Variants in ANKRD55 observed in about 807,000 individuals in gnomAD.
The protein encoded by ANKRD55 is ankyrin repeat domain 55, also known as ankyrin repeat domain-containing protein 55.
In ANKRD55, 41 loss-of-function variants were observed where a neutral mutation model predicts 60.6. That is an observed-to-expected ratio of 0.68 (90% CI 0.53 to 0.88). The LOEUF (loss-of-function observed/expected upper bound fraction) is 0.88, where lower values mean the gene tolerates loss of function less well. Among genes scored for constraint, ANKRD55 ranks in the 40% least tolerant of loss-of-function variants. ANKRD55 has a pLI of 0.00. For synonymous variants in ANKRD55, 264 were observed against 290.3 expected (o/e 0.91, Z 0.92); for missense variants, 732 against 767.6 (o/e 0.95, Z 0.55).
chr5:56,115,966 T>C (rs951194666), intron 9 of ANKRD55, among the ~76,000 whole-genome samples: 1 of 152,052 alleles, frequency 6.6e-6, no homozygotes, highest in Non-Finnish European at 1.5e-5. Flanking sequence ...GCTATTCTCT[T>C]GCCTCAGCCT....
At chr5:56,114,651 A>G (rs534376939) in intron 9 of ANKRD55, among the ~76,000 whole-genome samples, 3 of 152,362 alleles carry the variant, frequency 2.0e-5, no homozygotes, top group East Asian at 3.9e-4. Flanking sequence ...GCATGTGTAT[A>G]AGACCCATTT....
chr5:56,135,293 T>TTCTTTCTTTCTTTCTTTCTTTC (rs1561263978), intron 7 of ANKRD55, among the ~76,000 whole-genome samples: 2 of 74,144 alleles, frequency 2.7e-5, no homozygotes, highest in African/African-American at 8.9e-5. Context: ...CCTGCCTGCT[T>TTCTTTCTTTCTTTCTTTCTTTC]GCTTTCTTTC....
intron 10 of ANKRD55, among the ~76,000 whole-genome samples, chr5:56,105,119 C>G (rs931315130): frequency 7.4e-5 from 11 of 148,560 alleles, no homozygotes; most frequent in Admixed American, 7.4e-4. Context: ...CAGTGTCTCA[C>G]TCTGTTTCTC....
chr5:56,215,469 C>T (rs750375584), intron 2 of ANKRD55, among the ~76,000 whole-genome samples: 16 of 152,228 alleles, frequency 1.1e-4, no homozygotes, highest in Non-Finnish European at 8.8e-5. Flanking sequence ...AGTGGAGCCA[C>T]AGTGATGGCT....
chr5:56,116,319 A>G (rs1756885800), intron 9 of ANKRD55, among the ~76,000 whole-genome samples: 1 of 152,182 alleles, frequency 6.6e-6, no homozygotes, highest in Admixed American at 6.6e-5. Flanking sequence ...GATTTGCCAA[A>G]AAGGGAAGAG....
At chr5:56,187,023 C>T (rs1212106260) in intron 2 of ANKRD55, among the ~76,000 whole-genome samples, 1 of 152,190 alleles carries the variant, frequency 6.6e-6, no homozygotes, top group Non-Finnish European at 1.5e-5. Context: ...ATAAAATATG[C>T]AAGGCACATT....
intron 8 of ANKRD55, among the ~76,000 whole-genome samples, chr5:56,120,907 A>AG (rs1291715721): frequency 6.6e-6 from 1 of 151,688 alleles, no homozygotes; most frequent in Admixed American, 6.6e-5. Flanking sequence ...CTCAAAAAAA[A>AG]AAAAAAAAAA....
chr5:56,102,532 A>G lies in ANKRD55; in HGVS notation c.1685T>C (p.Phe562Ser). Residue 562 changes from phenylalanine to serine, a missense_variant, in exon 11 of 12, where the codon TTC (phenylalanine) becomes TCC (serine). Phe to Ser is a radical substitution (Grantham distance 155). Transcript: ENST00000341048. ...PNRHKIRDLP[F>S]TRNNLAPLPD... ...TAGGGGAGCTAGGTTGTTCCGAGTGAAAGGAAGATCCCTGATTTTGTGTCT... is the reference window on the plus strand; with the variant it reads ...TAGGGGAGCTAGGTTGTTCCGAGTGGAAGGAAGATCCCTGATTTTGTGTCT... 6.2e-7 allele frequency: 1 copy of G among 1,613,872 alleles called. No individual in the cohort carries two copies.
chr5:56,168,661 G>A (rs1288668354), intron 5 of ANKRD55, among the ~76,000 whole-genome samples: 1 of 152,168 alleles, frequency 6.6e-6, no homozygotes. Flanking sequence ...ACATCGATGT[G>A]GGTCTTGGAA....
chr5:56,136,798 A>C (rs12656552), intron 7 of ANKRD55, among the ~76,000 whole-genome samples: 2 of 151,884 alleles, frequency 1.3e-5, no homozygotes, highest in South Asian at 4.2e-4. Context: ...GGGTGTGCCT[A>C]TAGTCCCAGG....
At chr5:56,108,290 G>A (rs1376923695) in intron 10 of ANKRD55, 1 of 152,114 alleles carries the variant, frequency 6.6e-6, no homozygotes, top group Non-Finnish European at 1.5e-5. Flanking sequence ...TCTTTGGAAC[G>A]GAAAAAGAAC....
At position 56,121,517 on chromosome 5, in the gene ANKRD55, C is replaced by T. The variant is rs372193078; in HGVS notation, c.798-4735G>A. On this transcript the variant is annotated intron_variant, in intron 8 of 11. Transcript: ENST00000341048. ...CCTCCCGAGTAGCTGGGACTACAGGCGCCCGCCACCACACCCAGCTAATTT... is the reference window on the plus strand; with the variant it reads ...CCTCCCGAGTAGCTGGGACTACAGGTGCCCGCCACCACACCCAGCTAATTT... 5.3e-5 allele frequency among the ~76,000 whole-genome samples: 8 copies of T among 151,862 alleles called. No homozygotes were observed. The East Asian group carries it at 1.2e-3, about 22-fold the overall frequency.
chr5:56,178,856 A>T (rs1758795879), intron 3 of ANKRD55, among the ~76,000 whole-genome samples: 1 of 151,864 alleles, frequency 6.6e-6, no homozygotes, highest in Admixed American at 6.6e-5. Context: ...CTTGAAAACC[A>T]CTTCATACAT....
At chr5:56,185,081 G>GGT (rs1758939136) in intron 2 of ANKRD55, among the ~76,000 whole-genome samples, 1 of 152,056 alleles carries the variant, frequency 6.6e-6, no homozygotes, top group Non-Finnish European at 1.5e-5. Context: ...AAATAAGCCA[G>GGT]GTGTGGTGGC....
At chr5:56,175,913 C>T (rs6876474) in intron 4 of ANKRD55, among the ~76,000 whole-genome samples, 1 of 152,086 alleles carries the variant, frequency 6.6e-6, no homozygotes, top group Non-Finnish European at 1.5e-5. Context: ...GAATGTTTCC[C>T]TAATGGCCAT....
Position 56,183,523 on chromosome 5 carries a change from C to A in ANKRD55, c.170G>T (p.Cys57Phe). ...CATACATATCTCACCTTCACTGTCA[C>A]AGCATTCTAGGATAGAAGGGTCTTC... ...IREDPSILEC[C>F]DSEGCTPLMH... The change falls in exon 3 of 12, where the codon TGT becomes TTT. Residue 57 changes from cysteine to phenylalanine, a missense_variant. By Grantham distance (205) the Cys-to-Phe change is radical. Transcript: ENST00000341048. 6.2e-7 allele frequency: 1 copy of A among 1,614,140 alleles called. No individual in the cohort carries two copies. Among genetic ancestry groups the A allele is most frequent in the Non-Finnish European group, 8.5e-7 (1 of 1,180,004 alleles).
At chr5:56,169,475 G>C (rs1029364685) in intron 5 of ANKRD55, among the ~76,000 whole-genome samples, 16 of 150,680 alleles carry the variant, frequency 1.1e-4, no homozygotes, top group African/African-American at 2.9e-4. Flanking sequence ...ATCCCCTCAC[G>C]ATGTCTATTG....
At chr5:56,193,513 G>A (rs1308799746) in intron 2 of ANKRD55, 10 of 439,232 alleles carry the variant, frequency 2.3e-5, no homozygotes, top group African/African-American at 4.2e-5. Flanking sequence ...AGAATACCTC[G>A]TTTATCATCT....
At chr5:56,159,243 C>A (rs911697260) in intron 6 of ANKRD55, among the ~76,000 whole-genome samples, 1 of 152,192 alleles carries the variant, frequency 6.6e-6, no homozygotes, top group African/African-American at 2.4e-5. Flanking sequence ...AGGCAGATCA[C>A]CTGAGGTCGC....
Sources: gnomAD v4.1 joint callset for allele counts (sites outside exome capture counted in the v4.1 genomes callset) on GRCh38, gnomAD v4.1.1 for gene constraint, MANE v1.5 for transcripts, NCBI Gene and HGNC (gene_info 2026-07-23, HGNC 2026-07-21) for gene names.